Variants in HIVEP1 observed in about 807,000 individuals in gnomAD.
HIVEP1 encodes zinc finger protein 40.
HIVEP1 carries 36 observed loss-of-function variants against 180.0 expected under a neutral mutation model. The observed-to-expected ratio is 0.20, with a 90% CI of 0.15 to 0.26. HIVEP1 has a LOEUF of 0.26. Among genes scored for constraint, HIVEP1 ranks in the 10% least tolerant of loss-of-function variants. The pLI is 1.00. For synonymous variants in HIVEP1, 1,239 were observed against 1,239.0 expected, an observed-to-expected ratio of 1.00 and a Z score of 0.00; for missense variants, 3,143 against 3,268.7, an observed-to-expected ratio of 0.96 and a Z score of 0.94.
intron 2 of HIVEP1, among the ~76,000 whole-genome samples, chr6:12,018,088 C>T (rs1179320262): frequency 6.6e-6 from 1 of 152,206 alleles, no homozygotes; most frequent in Non-Finnish European, 1.5e-5. Context: ...TAAAGCCCGG[C>T]GAGAAATCGA....
intron 2 of HIVEP1, among the ~76,000 whole-genome samples, chr6:12,082,650 GT>G (rs542959811): frequency 5.1e-4 from 78 of 152,252 alleles, no homozygotes; most frequent in South Asian, 3.3e-3. Flanking sequence ...ACTGCTTTGA[GT>G]TCTCAATGAA....
chr6:12,017,725 G>C (rs553961781), intron 2 of HIVEP1, among the ~76,000 whole-genome samples: 1 of 152,326 alleles, frequency 6.6e-6, no homozygotes, highest in South Asian at 2.1e-4. Flanking sequence ...GTCCCCACTA[G>C]ATTAGCTAGA....
intron 2 of HIVEP1, among the ~76,000 whole-genome samples, chr6:12,071,531 A>G (rs1173482133): frequency 1.3e-5 from 2 of 152,248 alleles, no homozygotes; most frequent in African/African-American, 4.8e-5. Flanking sequence ...ACAGTTTGCC[A>G]GTATTCAACA....
chr6:12,163,252 C>T (rs1451357291), intron 8 of HIVEP1, 31 bp from the exon 9 acceptor site: 12 of 1,526,116 alleles, frequency 7.9e-6, no homozygotes, highest in Non-Finnish European at 1.1e-5. Context: ...AAAGACCTGT[C>T]ATAAAAGGAT....
rs748180468 is a variant in HIVEP1, at chr6:12,122,620, A to G, written c.2825A>G (p.Gln942Arg). ...AMSVRSKALAQGPHIEKKKSH... is the reference protein window; with the variant it reads ...AMSVRSKALARGPHIEKKKSH... The stretch of plus-strand genomic sequence containing the variant: ...TCAGTGAGGAGCAAGGCACTGGCAC[A>G]AGGCCCACATATAGAAAAAAAGAAG... The change falls in exon 4 of 9, where the codon CAA (glutamine) becomes CGA (arginine). Residue 942 changes from glutamine (Q) to arginine (R), a missense_variant. Gln to Arg is a conservative substitution (Grantham distance 43). Coordinates refer to ENST00000379388, the MANE Select transcript of HIVEP1 (RefSeq NM_002114.4). The G allele has an allele frequency of 6.8e-6, 11 of 1,614,014 alleles. No homozygotes were observed. Among genetic ancestry groups the G allele is most frequent in the Non-Finnish European group, 9.3e-6 (11 of 1,180,018 alleles).
rs60419579 is a variant in HIVEP1 at position 12,141,691 on chromosome 6, C to CAAAAAAAAAAAAAAAAAAAAAAA, written c.6487+5806_6487+5828dup. Among the ~76,000 whole-genome samples the CAAAAAAAAAAAAAAAAAAAAAAA allele has an allele frequency of 2.1e-4, 4 of 19,238 alleles. 1 individual carries two copies. Among genetic ancestry groups the CAAAAAAAAAAAAAAAAAAAAAAA allele is most frequent in the Non-Finnish European group, 3.1e-4 (2 of 6,440 alleles). 12.6% of individuals were successfully genotyped at this position (19,238 alleles called of 152,430 possible). ...GAAGATCTACCAAGCAAATGGAAAG[C>CAAAAAAAAAAAAAAAAAAAAAAA]AAAAAAAAAAAAAAAAAAAAAAAAA... is the stretch of plus-strand genomic sequence containing the variant. On this transcript the variant is annotated intron_variant, in intron 7 of 8. Coordinates refer to ENST00000379388, the MANE Select transcript of HIVEP1 (RefSeq NM_002114.4).
chr6:12,103,277 A>G (rs1209775944), intron 3 of HIVEP1, among the ~76,000 whole-genome samples: 1 of 152,106 alleles, frequency 6.6e-6, no homozygotes, highest in Non-Finnish European at 1.5e-5. Flanking sequence ...CAAGCTGTCT[A>G]CATGCATTAT....
chr6:12,071,245 T>C (rs1017859761), intron 2 of HIVEP1, among the ~76,000 whole-genome samples: 1 of 152,238 alleles, frequency 6.6e-6, no homozygotes, highest in African/African-American at 2.4e-5. Flanking sequence ...TGTGTGTAAA[T>C]TGTGCAAGCC....
rs745874198 is a variant in HIVEP1, at chr6:12,072,640, A to AT, written c.41-16537dup. ...CATGATATGATTCCACAGTTTGTTCATTTTTTTCAGGCTTTTCTCTGTATG... is the reference window on the plus strand; with the variant it reads ...CATGATATGATTCCACAGTTTGTTCATTTTTTTTCAGGCTTTTCTCTGTATG... On this transcript the variant is annotated intron_variant, in intron 2 of 8. Coordinates refer to ENST00000379388, the MANE Select transcript of HIVEP1 (RefSeq NM_002114.4). Among the ~76,000 whole-genome samples the AT allele has an allele frequency of 4.6e-5, 7 of 151,278 alleles. No homozygotes were observed. In the East Asian group the frequency reaches 5.8e-4, roughly 13 times the overall value.
At chr6:12,142,275 T>C (rs1759087687) in intron 7 of HIVEP1, among the ~76,000 whole-genome samples, 1 of 152,178 alleles carries the variant, frequency 6.6e-6, no homozygotes, top group South Asian at 2.1e-4. Flanking sequence ...AACATGCTCC[T>C]GAATGGCTGA....
intron 2 of HIVEP1, among the ~76,000 whole-genome samples, chr6:12,047,052 G>T (rs1770186698): frequency 6.6e-6 from 1 of 151,860 alleles, no homozygotes; most frequent in Non-Finnish European, 1.5e-5. Context: ...GTAGAGACGG[G>T]GTTTCACCAT....
At chr6:12,178,272 A>G in the HIVEP1 span, among the ~76,000 whole-genome samples, 784 of 152,342 alleles carry the variant, frequency 5.1e-3, 7 homozygotes, top group African/African-American at 0.018. Flanking sequence ...AAGTCAAATA[A>G]CACACTAGGA....
chr6:12,187,558 C>T, the HIVEP1 span, among the ~76,000 whole-genome samples: 2 of 151,488 alleles, frequency 1.3e-5, no homozygotes, highest in Non-Finnish European at 2.9e-5. Context: ...CAATCCTGAA[C>T]TTTTCCAGCT....
chr6:12,106,431 A>C (rs1255697882), intron 3 of HIVEP1, among the ~76,000 whole-genome samples: 1 of 152,034 alleles, frequency 6.6e-6, no homozygotes, highest in Non-Finnish European at 1.5e-5. Flanking sequence ...AAAACTTTAA[A>C]ATTTTCTGTA....
chr6:12,124,438 G>T lies in HIVEP1; in HGVS notation c.4643G>T (p.Gly1548Val), dbSNP rs751147510. 2.5e-6 allele frequency: 4 copies of T among 1,614,012 alleles called. No individual in the cohort carries two copies. Among genetic ancestry groups the T allele is most frequent in the Non-Finnish European group, 3.4e-6 (4 of 1,179,976 alleles). Residue 1548 changes from glycine to valine, a missense_variant, in exon 4 of 9, where the codon GGG becomes GTG. Coordinates refer to ENST00000379388, the MANE Select transcript of HIVEP1 (RefSeq NM_002114.4). ...SKPDKNSVLS[G>V]SSKSEDCFAP... ...CCAGATAAAAATTCTGTTTTATCTG[G>T]GTCTTCTAAAAGTGAGGATTGCTTT...
At chr6:12,018,567 A>G (rs1767990132) in intron 2 of HIVEP1, among the ~76,000 whole-genome samples, 1 of 152,244 alleles carries the variant, frequency 6.6e-6, no homozygotes, top group South Asian at 2.1e-4. Context: ...GTGAGAAATG[A>G]ATAGTATGGA....
intron 3 of HIVEP1, among the ~76,000 whole-genome samples, chr6:12,112,387 T>A (rs1486285975): frequency 2.0e-5 from 3 of 152,202 alleles, no homozygotes; most frequent in Non-Finnish European, 4.4e-5. Flanking sequence ...TTTCTTCTTT[T>A]TCTCAGTATT....
chr6:12,123,665 A>C lies in HIVEP1; in HGVS notation c.3870A>C (p.Glu1290Asp). 1 of 1,614,010 alleles carries C rather than the reference A, an allele frequency of 6.2e-7. No homozygotes were observed. The highest frequency in any genetic ancestry group is 8.5e-7 in the Non-Finnish European group (1 of 1,180,016). The change falls in exon 4 of 9, where the codon GAA (glutamate) becomes GAC (aspartate). Residue 1290 changes from glutamate (E) to aspartate (D), a missense_variant. By Grantham distance (45) the Glu-to-Asp change is conservative. Around this residue, in one of 12 missense-constraint regions of HIVEP1, gnomAD observed 1,357 missense variants for 1,260.5 expected, o/e 1.08. Coordinates refer to ENST00000379388, the MANE Select transcript of HIVEP1 (RefSeq NM_002114.4). ...AAAGGCTCCGTCTGGCTGAGATAGA[A>C]CATTCCTCAACAGAATCGAGCTTTG... ...KKKRLRLAEI[E>D]HSSTESSFDS...
Position 12,125,141 on chromosome 6 carries a change from T to G in HIVEP1, c.5346T>G (p.Ala1782=). 2 of 1,613,544 alleles carry G rather than the reference T, an allele frequency of 1.2e-6. No homozygotes were observed. The highest frequency in any genetic ancestry group is 2.2e-5 in the South Asian group (2 of 90,896). Residue 1782 remains alanine, a synonymous_variant, in exon 4 of 9, where the codon GCT becomes GCG. Transcript: ENST00000379388. ...VCATDVRPLE[A]LSSRVNEASK... ...CAACAGACGTGAGACCTTTAGAGGCTTTGAGTTCGAGAGTTAATGAAGCTA... is the reference window on the plus strand; with the variant it reads ...CAACAGACGTGAGACCTTTAGAGGCGTTGAGTTCGAGAGTTAATGAAGCTA...
Sources: allele counts gnomAD v4.1 joint callset (sites outside exome capture counted in the v4.1 genomes callset), GRCh38; gene constraint gnomAD v4.1.1; regional missense constraint gnomAD v4.1.1; transcripts MANE v1.5; gene names NCBI Gene and HGNC (gene_info 2026-07-23, HGNC 2026-07-21).